ASB4: variants seen among roughly 807,000 people sequenced by gnomAD.
ASB4 encodes the protein ankyrin repeat and SOCS box protein 4.
ASB4 carries 35 observed loss-of-function variants against 38.6 expected under a neutral mutation model. The observed-to-expected ratio is 0.91, with a 90% CI of 0.69 to 1.20. The LOEUF is 1.20. ASB4 is among the 50% of genes most tolerant of loss of function. The pLI, the probability that ASB4 is intolerant of heterozygous loss-of-function variation, is 0.00. For missense variants in ASB4, 557 were observed against 527.2 expected (o/e 1.06, Z -0.55); for synonymous variants, 195 against 201.3 (o/e 0.97, Z 0.26).
rs1584092045 is a variant in ASB4, at chr7:95,527,793, T to C, written c.488-20T>C. ...ACAAAACATGTTTAAATAATTGTCT[T>C]CCTCAATTTCCCTTTATAGGGGCGA... On this transcript the variant is annotated intron_variant, in intron 2 of 4. Transcript: ENST00000325885. The C allele has an allele frequency of 1.9e-6, 3 of 1,572,154 alleles. No individual in the cohort carries two copies. Among genetic ancestry groups the C allele is most frequent in the Non-Finnish European group, 2.6e-6 (3 of 1,153,042 alleles).
intron 2 of ASB4, among the ~76,000 whole-genome samples, chr7:95,504,808 T>G (rs1360394387): frequency 6.6e-6 from 1 of 152,210 alleles, no homozygotes; most frequent in Non-Finnish European, 1.5e-5. Context: ...TAAAAGGCCG[T>G]GTCTTCTGGT....
At chr7:95,491,993 C>A (rs527661867) in intron 1 of ASB4, among the ~76,000 whole-genome samples, 3 of 152,194 alleles carry the variant, frequency 2.0e-5, no homozygotes, top group Non-Finnish European at 4.4e-5. Context: ...CTTCAGTATA[C>A]CCTAAGCTAT....
At chr7:95,492,082 C>T (rs1790179378) in intron 1 of ASB4, among the ~76,000 whole-genome samples, 1 of 152,136 alleles carries the variant, frequency 6.6e-6, no homozygotes, top group East Asian at 1.9e-4. Flanking sequence ...TTACCACCTA[C>T]CTACACACAT....
chr7:95,479,858 A>G (rs1017367997), intron 1 of ASB4, among the ~76,000 whole-genome samples: 5 of 152,160 alleles, frequency 3.3e-5, no homozygotes, highest in African/African-American at 1.2e-4. Flanking sequence ...AAAATATCTG[A>G]AAAGAGGTGC....
At chr7:95,517,930 T>C (rs901239482) in intron 2 of ASB4, among the ~76,000 whole-genome samples, 20 of 152,106 alleles carry the variant, frequency 1.3e-4, no homozygotes, top group Admixed American at 6.5e-5. Flanking sequence ...AAAGAGTCCA[T>C]GGGAATGGAG....
At chr7:95,479,123 T>C (rs147702846) in intron 1 of ASB4, among the ~76,000 whole-genome samples, 57 of 152,312 alleles carry the variant, frequency 3.7e-4, no homozygotes, top group African/African-American at 1.2e-3. Flanking sequence ...GGAGTGTGTC[T>C]AGTAGGTCTC....
intron 2 of ASB4, among the ~76,000 whole-genome samples, chr7:95,497,514 A>C (rs1790268793): frequency 6.6e-6 from 1 of 152,228 alleles, no homozygotes. Flanking sequence ...CTTGAGGAAG[A>C]GGCACCTATG....
intron 2 of ASB4, among the ~76,000 whole-genome samples, chr7:95,503,912 C>T (rs1790373829): frequency 6.6e-6 from 1 of 152,118 alleles, no homozygotes; most frequent in Non-Finnish European, 1.5e-5. Flanking sequence ...GTTGCAGAGC[C>T]TGCTTTGTCC....
At chr7:95,483,680 A>G (rs866707604), upstream of ASB4, among the ~76,000 whole-genome samples, 13 of 152,204 alleles carry the variant, frequency 8.5e-5, no homozygotes, top group African/African-American at 2.9e-4. Context: ...AGGGATTCCC[A>G]TCGCCACTTA....
At chr7:95,540,940 T>C (rs1428455142), downstream of ASB4, among the ~76,000 whole-genome samples, 1 of 152,374 alleles carries the variant, frequency 6.6e-6, no homozygotes, top group African/African-American at 2.4e-5. Context: ...TACGTTTTTA[T>C]TACTCATCTG....
intron 3 of ASB4, among the ~76,000 whole-genome samples, chr7:95,532,892 TTC>T (rs1169478133): frequency 2.0e-5 from 3 of 152,200 alleles, no homozygotes; most frequent in African/African-American, 7.2e-5. Flanking sequence ...ACTGAACATC[TTC>T]TGTTTTCTGG....
intron 1 of ASB4, among the ~76,000 whole-genome samples, chr7:95,494,441 CTAGGTTGTT>C (rs983717015): frequency 2.6e-5 from 4 of 152,196 alleles, no homozygotes; most frequent in African/African-American, 7.2e-5. Context: ...GCTCAAATCC[CTAGGTTGTT>C]TCTCAAATAA....
At chr7:95,491,738 T>C (rs1255554808) in intron 1 of ASB4, among the ~76,000 whole-genome samples, 1 of 152,216 alleles carries the variant, frequency 6.6e-6, no homozygotes, top group African/African-American at 2.4e-5. Flanking sequence ...TTTTTGAAGA[T>C]AGCTTTACCT....
chr7:95,523,849 TA>T (rs1274734581), intron 2 of ASB4, among the ~76,000 whole-genome samples: 1 of 152,176 alleles, frequency 6.6e-6, no homozygotes, highest in Non-Finnish European at 1.5e-5. Context: ...TGGAAATGCT[TA>T]TAAGAGTAAT....
chr7:95,474,094 T>C (rs901647308), upstream of ASB4: 1 of 152,230 alleles, frequency 6.6e-6, no homozygotes, highest in Non-Finnish European at 1.5e-5. Context: ...GGCGCACCCT[T>C]ACTTGATCTG....
At chr7:95,483,013 G>A (rs1220563624), upstream of ASB4, among the ~76,000 whole-genome samples, 1 of 152,158 alleles carries the variant, frequency 6.6e-6, no homozygotes, top group Non-Finnish European at 1.5e-5. Flanking sequence ...TAAGAAGATG[G>A]CACAATAGAA....
chr7:95,514,712 C>T (rs781082330), intron 2 of ASB4, among the ~76,000 whole-genome samples: 31 of 152,146 alleles, frequency 2.0e-4, no homozygotes, highest in Non-Finnish European at 3.8e-4. Flanking sequence ...AACCTGGAGT[C>T]CATGAAAATA....
intron 2 of ASB4, among the ~76,000 whole-genome samples, chr7:95,524,139 G>A (rs891552260): frequency 9.2e-5 from 14 of 152,196 alleles, no homozygotes; most frequent in Non-Finnish European, 4.4e-5. Context: ...TAGATGTAGA[G>A]CCCAGAGAAA....
At chr7:95,546,428 T>C in the ASB4 span, among the ~76,000 whole-genome samples, 1 of 152,222 alleles carries the variant, frequency 6.6e-6, no homozygotes, top group Non-Finnish European at 1.5e-5. Context: ...TAAATATTTT[T>C]TTTTCTGCGT....
Sources: gnomAD v4.1 joint callset for allele counts (sites outside exome capture counted in the v4.1 genomes callset) on GRCh38, gnomAD v4.1.1 for gene constraint, MANE v1.5 for transcripts, NCBI Gene and HGNC (gene_info 2026-07-23, HGNC 2026-07-21) for gene names.